ZNF714: variants seen among roughly 807,000 people sequenced by gnomAD.
The protein encoded by ZNF714 is zinc finger protein 714.
A neutral mutation model predicts 46.2 loss-of-function variants in ZNF714; 32 were observed. That is an observed-to-expected ratio of 0.69 (90% CI 0.52 to 0.93). The LOEUF (loss-of-function observed/expected upper bound fraction) is 0.93, where lower values mean the gene tolerates loss of function less well. Ranked by LOEUF, ZNF714 falls within the 40% of genes least tolerant of loss-of-function variation. The probability of loss-of-function intolerance (pLI) is 0.00; values close to 1 mark genes in which losing one functional copy is unlikely to be tolerated. For synonymous variants in ZNF714, 199 were observed against 213.1 expected, an observed-to-expected ratio of 0.93 and a Z score of 0.58; for missense variants, 635 against 646.3, an observed-to-expected ratio of 0.98 and a Z score of 0.19.
intron 4 of ZNF714, among the ~76,000 whole-genome samples, chr19:21,100,956 G>A (rs559931794): frequency 3.3e-5 from 5 of 152,034 alleles, no homozygotes; most frequent in African/African-American, 4.8e-5. Context: ...TGATTTGCCC[G>A]CCTCGGCCCC....
chr19:21,121,860 C>T lies in ZNF714; in HGVS notation c.*3528C>T, dbSNP rs149110191. 2.0e-5 allele frequency: 3 copies of T among 152,122 alleles called. No homozygotes were observed. The highest frequency in any genetic ancestry group is 4.8e-5 in the African/African-American group (2 of 41,506). The allele number at this position is 152,122 out of a possible 1,614,324, so 9.4% of individuals were successfully genotyped here. ...AGACCCATACTTTTTTTGTTTCTTA[C>T]ATTTTTTTTGTTTTATGGTTTAGGA... is the stretch of plus-strand genomic sequence containing the variant. On this transcript the variant is annotated 3_prime_UTR_variant, in exon 5 of 5. Transcript: ENST00000456283.
chr19:21,102,841 A>G (rs1240065844), intron 4 of ZNF714, among the ~76,000 whole-genome samples: 4 of 152,076 alleles, frequency 2.6e-5, no homozygotes, highest in Non-Finnish European at 4.4e-5. Flanking sequence ...TTTTCAGTGT[A>G]GGTTTCTTAA....
At chr19:21,087,108 A>G (rs1968798720) in intron 2 of ZNF714, among the ~76,000 whole-genome samples, 1 of 152,016 alleles carries the variant, frequency 6.6e-6, no homozygotes, top group Non-Finnish European at 1.5e-5. Context: ...TAAAGTTACA[A>G]CAAACTTGCA....
intron 4 of ZNF714, among the ~76,000 whole-genome samples, chr19:21,110,625 A>G (rs775165052): frequency 1.3e-5 from 2 of 152,098 alleles, no homozygotes; most frequent in Non-Finnish European, 2.9e-5. Context: ...CTTTTGTTGC[A>G]ATTGCTTTTG....
chr19:21,121,460 A>G lies in ZNF714; in HGVS notation c.*3128A>G, dbSNP rs922570913. 1 of 152,186 alleles carries G rather than the reference A, an allele frequency of 6.6e-6. No homozygotes were observed. The highest frequency in any genetic ancestry group is 6.5e-5 in the Admixed American group (1 of 15,282). 9.4% of individuals were successfully genotyped at this position (152,186 alleles called of 1,614,324 possible). Reference sequence around the variant, plus strand: ...GAGTATAAATAAAATTCATTTCTAAACTATTAATATTTTTTCCAAATTGTT... The same window carrying G: ...GAGTATAAATAAAATTCATTTCTAAGCTATTAATATTTTTTCCAAATTGTT... On this transcript the variant is annotated 3_prime_UTR_variant, in exon 5 of 5. Transcript: ENST00000456283.
Position 21,118,054 on chromosome 19 carries a change from C to T in ZNF714, c.1390C>T (p.Arg464Ter), listed in dbSNP as rs200962863. ...KCEECGKAFNRSSNLTKHNII... is the reference protein window; with the variant it reads ...KCEECGKAFN ...TGAAGAATGTGGCAAAGCTTTCAACCGATCCTCAAACCTTACTAAACATAA... is the reference window on the plus strand; with the variant it reads ...TGAAGAATGTGGCAAAGCTTTCAACTGATCCTCAAACCTTACTAAACATAA... The change falls in exon 5 of 5, where the codon CGA becomes TGA. Residue 464 changes from arginine to a stop codon, truncating the protein, a stop_gained. Coordinates refer to ENST00000456283, the MANE Select transcript of ZNF714 (RefSeq NM_182515.4). LOFTEE classifies it high-confidence loss of function. 191 of 1,613,712 alleles carry T rather than the reference C, an allele frequency of 1.2e-4. No individual in the cohort carries two copies. Among genetic ancestry groups the T allele is most frequent in the East Asian group, 1.3e-4 (6 of 44,884 alleles).
intron 2 of ZNF714, among the ~76,000 whole-genome samples, chr19:21,094,804 G>A (rs1007915881): frequency 1.3e-5 from 2 of 152,238 alleles, no homozygotes; most frequent in East Asian, 1.9e-4. Context: ...TGGGGTTACC[G>A]CACCCAGCCT....
At chr19:21,106,161 A>G (rs1463167115) in intron 4 of ZNF714, among the ~76,000 whole-genome samples, 2 of 152,128 alleles carry the variant, frequency 1.3e-5, no homozygotes, top group Non-Finnish European at 2.9e-5. Flanking sequence ...AACCTGAGGC[A>G]GGAGAATCAC....
intron 4 of ZNF714, among the ~76,000 whole-genome samples, chr19:21,107,724 C>T (rs6511192): frequency 0.82 from 124,615 of 152,086 alleles, 53,010 homozygotes; most frequent in Middle Eastern, 0.93. Flanking sequence ...GGTTTTCTTA[C>T]GTTGTCCATG....
intron 4 of ZNF714, among the ~76,000 whole-genome samples, chr19:21,105,508 T>C (rs1969289750): frequency 6.6e-6 from 1 of 151,888 alleles, no homozygotes; most frequent in African/African-American, 2.4e-5. Context: ...TGTAGTTAAA[T>C]ATTTCTGTTC....
intron 2 of ZNF714, among the ~76,000 whole-genome samples, chr19:21,089,510 C>T (rs1734424175): frequency 6.6e-6 from 1 of 152,160 alleles, no homozygotes; most frequent in East Asian, 1.9e-4. Flanking sequence ...AAATACCAAA[C>T]AAGAAAGTAC....
In ZNF714 at chr19:21,118,182, G is replaced by T. The variant is rs1969645763; in HGVS notation, c.1518G>T (p.Met506Ile). The T allele has an allele frequency of 1.9e-6, 3 of 1,610,788 alleles. No individual in the cohort carries two copies. Among genetic ancestry groups the T allele is most frequent in the Non-Finnish European group, 2.5e-6 (3 of 1,178,208 alleles). ...AACATAGGAAAATTCAGCAGGGCAT[G>T]GTGGCTCATGCCTGTAATCCCAACA... ...LTKHRKIQQG[M>I]VAHACNPNTL... Residue 506 changes from methionine (M) to isoleucine (I), a missense_variant, in exon 5 of 5, where the codon ATG (methionine) becomes ATT (isoleucine). Physicochemically the swap from Met to Ile is conservative, Grantham distance 10. Coordinates refer to ENST00000456283, the MANE Select transcript of ZNF714 (RefSeq NM_182515.4).
At position 21,091,983 on chromosome 19, in the gene ZNF714, C is replaced by T. The variant is rs186012508; in HGVS notation, c.-84-6202C>T. 5.8e-4 allele frequency among the ~76,000 whole-genome samples: 88 copies of T among 152,078 alleles called. 1 individual carries two copies. The highest frequency in any genetic ancestry group is 5.0e-3 in the Admixed American group (76 of 15,248). On this transcript the variant is annotated intron_variant, in intron 2 of 4. Coordinates refer to ENST00000456283, the MANE Select transcript of ZNF714 (RefSeq NM_182515.4). ...AATTCAAATGTTAGACATTGAGTTGCTGTTGGAGAATTGCTTGGTATTAAG... is the reference window on the plus strand; with the variant it reads ...AATTCAAATGTTAGACATTGAGTTGTTGTTGGAGAATTGCTTGGTATTAAG...
In ZNF714 at chr19:21,117,087, A is replaced by T. The variant is rs758092280; in HGVS notation, c.423A>T (p.Gly141=). The change falls in exon 5 of 5, where the codon GGA becomes GGT. Residue 141 remains glycine (G), a synonymous_variant. Coordinates refer to ENST00000456283, the MANE Select transcript of ZNF714 (RefSeq NM_182515.4). ...NSNRHKTRHT[G]EKPFKCKKCD... is the part of the protein sequence containing the mutation. The stretch of plus-strand genomic sequence containing the variant: ...ATAGACACAAGACAAGACATACTGG[A>T]GAGAAACCTTTCAAATGTAAAAAAT... 2.5e-6 allele frequency: 4 copies of T among 1,613,608 alleles called. No individual in the cohort carries two copies. Among genetic ancestry groups the T allele is most frequent in the Non-Finnish European group, 3.4e-6 (4 of 1,179,652 alleles).
rs187722159 is a variant in ZNF714 at position 21,117,172 on chromosome 19, G to T, written c.508G>T (p.Glu170Ter). Residue 170 changes from glutamate (E) to a stop codon, truncating the protein, a stop_gained, in exon 5 of 5, where the codon GAG (glutamate) becomes TAG (stop). Coordinates refer to ENST00000456283, the MANE Select transcript of ZNF714 (RefSeq NM_182515.4). LOFTEE classifies it high-confidence loss of function. ...LHQHKRIHIRENSYQCEECDK... is the reference protein window; with the variant it reads ...LHQHKRIHIR The stretch of plus-strand genomic sequence containing the variant: ...TCAACATAAAAGAATTCATATTAGA[G>T]AGAATTCTTACCAATGTGAAGAATG... 6.2e-7 allele frequency: 1 copy of T among 1,613,980 alleles called. No individual in the cohort carries two copies. Among genetic ancestry groups the T allele is most frequent in the African/African-American group, 1.3e-5 (1 of 75,034 alleles).
At chr19:21,101,945 T>C (rs569270705) in intron 4 of ZNF714, among the ~76,000 whole-genome samples, 4 of 152,334 alleles carry the variant, frequency 2.6e-5, no homozygotes, top group Admixed American at 2.6e-4. Flanking sequence ...ACTCCCTCCC[T>C]GGGTCTCAAA....
chr19:21,115,437 A>G (rs1202175947), intron 4 of ZNF714, among the ~76,000 whole-genome samples: 1 of 151,962 alleles, frequency 6.6e-6, no homozygotes, highest in Non-Finnish European at 1.5e-5. Context: ...TGCTTTCAGC[A>G]TCTTTTATGT....
chr19:21,116,697 T>C, intron 4 of ZNF714, 110 bp from the exon 5 acceptor site: 1 of 1,301,088 alleles, frequency 7.7e-7, no homozygotes, highest in South Asian at 1.7e-5. Flanking sequence ...GCCTGTGGTA[T>C]TTTATTATGG....
Position 21,118,407 on chromosome 19 carries a change from G to A in ZNF714, c.*75G>A, listed in dbSNP as rs1230099151. 3.2e-5 allele frequency: 17 copies of A among 525,652 alleles called. No individual in the cohort carries two copies. The highest frequency in any genetic ancestry group is 1.3e-4 in the Admixed American group (4 of 30,570). The allele number at this position is 525,652 out of a possible 1,614,324, so 32.6% of individuals were successfully genotyped here. On this transcript the variant is annotated 3_prime_UTR_variant, in exon 5 of 5. Coordinates refer to ENST00000456283, the MANE Select transcript of ZNF714 (RefSeq NM_182515.4). Reference sequence around the variant, plus strand: ...GCAGAGGTTGCAGTGAGCCAAGATCGCGCCATTCTACTCCAGCCTGGGCCA... The same window carrying A: ...GCAGAGGTTGCAGTGAGCCAAGATCACGCCATTCTACTCCAGCCTGGGCCA...
Sources: allele counts gnomAD v4.1 joint callset (sites outside exome capture counted in the v4.1 genomes callset), GRCh38; gene constraint gnomAD v4.1.1; transcripts MANE v1.5; gene names NCBI Gene and HGNC (gene_info 2026-07-23, HGNC 2026-07-21).